SLC3A1: variants seen among roughly 807,000 people sequenced by gnomAD.
SLC3A1 encodes the protein amino acid transporter heavy chain SLC3A1.
Under a neutral mutation model 60.3 loss-of-function variants are expected in SLC3A1, and 78 were observed. The observed-to-expected ratio is 1.29, with a 90% CI of 1.08 to 1.56. SLC3A1 has a LOEUF of 1.56. SLC3A1 is among the 40% of genes most tolerant of loss of function. The pLI, the probability that SLC3A1 is intolerant of heterozygous loss-of-function variation, is 0.00. For missense variants in SLC3A1, 1,172 were observed against 858.9 expected, an observed-to-expected ratio of 1.36 and a Z score of -4.56; for synonymous variants, 392 against 307.9, an observed-to-expected ratio of 1.27 and a Z score of -2.86.
chr2:44,304,382 C>G (rs1309853408), intron 7 of SLC3A1, 44 bp downstream of exon 7: 3 of 1,447,724 alleles, frequency 2.1e-6, no homozygotes, highest in African/African-American at 1.4e-5. Context: ...CTGCTGTTGC[C>G]TTTGCTGTCC....
At chr2:44,282,033 G>A (rs1273701649) in intron 3 of SLC3A1, among the ~76,000 whole-genome samples, 5 of 151,910 alleles carry the variant, frequency 3.3e-5, no homozygotes, top group East Asian at 1.9e-4. Flanking sequence ...CATCATACTC[G>A]GCTAATTTTT....
At chr2:44,315,713 A>G in intron 9 of SLC3A1, among the ~76,000 whole-genome samples, 1 of 151,224 alleles carries the variant, frequency 6.6e-6, no homozygotes, top group Admixed American at 6.6e-5. Context: ...CATACAGGAG[A>G]AAAACAGTTC....
intron 3 of SLC3A1, chr2:44,285,638 A>G: frequency 2.1e-6 from 1 of 477,596 alleles, no homozygotes; most frequent in South Asian, 1.5e-5. Flanking sequence ...TCAAGCTCCA[A>G]GATGAGCGGA....
intron 3 of SLC3A1, chr2:44,285,735 A>G (rs1481786386): frequency 1.8e-6 from 1 of 567,050 alleles, no homozygotes; most frequent in Admixed American, 2.2e-5. Flanking sequence ...AAGAAAATAC[A>G]TTAGTAATGT....
chr2:44,283,948 A>G (rs1671553965), intron 3 of SLC3A1, among the ~76,000 whole-genome samples: 1 of 152,092 alleles, frequency 6.6e-6, no homozygotes, highest in South Asian at 2.1e-4. Context: ...TGTATATTTC[A>G]CAGTGTGAAC....
chr2:44,300,265 T>C (rs1367409185), intron 5 of SLC3A1, among the ~76,000 whole-genome samples, 175 bp downstream of exon 5: 2 of 152,228 alleles, frequency 1.3e-5, no homozygotes, highest in Non-Finnish European at 2.9e-5. Flanking sequence ...ATGCACTCGA[T>C]GTTTTTTTCC....
At position 44,317,987 on chromosome 2, in the gene SLC3A1, T is replaced by C. The variant is rs79748009; in HGVS notation, c.1618-2212T>C. 3.3e-4 allele frequency: 103 copies of C among 308,906 alleles called. 1 individual carries two copies. The East Asian group carries it at 0.011, about 34-fold the overall frequency. 19.1% of individuals were successfully genotyped at this position (308,906 alleles called of 1,614,324 possible). Reference sequence around the variant, plus strand: ...TAATAGAAAGCTTGCAACCCAGCTATAGCTATAAACACAAAAAATGAAGTT... The same window carrying C: ...TAATAGAAAGCTTGCAACCCAGCTACAGCTATAAACACAAAAAATGAAGTT... On this transcript the variant is annotated intron_variant, in intron 9 of 9. Transcript: ENST00000260649.
rs753986845 is a variant in SLC3A1 at position 44,275,693 on chromosome 2, G to A, written c.158G>A (p.Gly53Asp). The A allele has an allele frequency of 6.2e-7, 1 of 1,614,168 alleles. No homozygotes were observed. The highest frequency in any genetic ancestry group is 1.3e-5 in the African/African-American group (1 of 75,060). Reference sequence around the variant, plus strand: ...AAGCACAGCACCAGGGGCATCCTTGGCTCCCAGGAGCCCGACTTCAAGGGC... The same window carrying A: ...AAGCACAGCACCAGGGGCATCCTTGACTCCCAGGAGCCCGACTTCAAGGGC... ...NLKHSTRGILGSQEPDFKGVQ... is the reference protein window; with the variant it reads ...NLKHSTRGILDSQEPDFKGVQ... The change falls in exon 1 of 10, where the codon GGC becomes GAC. Residue 53 changes from glycine (G) to aspartate (D), a missense_variant. Transcript: ENST00000260649.
chr2:44,309,559 G>A (rs888763969), intron 7 of SLC3A1, among the ~76,000 whole-genome samples: 2 of 152,092 alleles, frequency 1.3e-5, no homozygotes, highest in Non-Finnish European at 2.9e-5. Flanking sequence ...AATTCTTTTG[G>A]ATCTATACCA....
chr2:44,312,607 C>G lies in SLC3A1; in HGVS notation c.1354C>G (p.Arg452Gly), dbSNP rs201502095. 3 of 1,613,856 alleles carry G rather than the reference C, an allele frequency of 1.9e-6. No individual in the cohort carries two copies. Among genetic ancestry groups the G allele is most frequent in the Non-Finnish European group, 2.5e-6 (3 of 1,179,806 alleles). Residue 452 changes from arginine (R) to glycine (G), a missense_variant, in exon 8 of 10, where the codon CGG becomes GGG. Coordinates refer to ENST00000260649, the MANE Select transcript of SLC3A1 (RefSeq NM_000341.4). ...TCAGATTGGTGGACCAGACAGTTCA[C>G]GGCTGACTTCGCGTTTGGGGAATCA... Reference protein sequence around the residue: ...NWMIGGPDSSRLTSRLGNQYV... With the variant: ...NWMIGGPDSSGLTSRLGNQYV...
At position 44,275,498 on chromosome 2, in the gene SLC3A1, C is replaced by CTGCACTTCGGAG; in HGVS notation, c.-34_-33insCTTCGGAGTGCA. ...GCAAGCCACTCTTCCACCTCCCTTA[C>CTGCACTTCGGAG]TGCAGGAAGGCACTCCGAAGACATA... On this transcript the variant is annotated 5_prime_UTR_variant, in exon 1 of 10. Coordinates refer to ENST00000260649, the MANE Select transcript of SLC3A1 (RefSeq NM_000341.4). 6.4e-7 allele frequency: 1 copy of CTGCACTTCGGAG among 1,569,996 alleles called. No individual in the cohort carries two copies. The highest frequency in any genetic ancestry group is 1.1e-5 in the South Asian group (1 of 88,716).
At position 44,285,817 on chromosome 2, in the gene SLC3A1, C is replaced by G. The variant is rs1671599673; in HGVS notation, c.766-215C>G. 7 of 685,450 alleles carry G rather than the reference C, an allele frequency of 1.0e-5. No individual in the cohort carries two copies. In the South Asian group the frequency reaches 1.1e-4, roughly 10 times the overall value. 42.5% of individuals were successfully genotyped at this position (685,450 alleles called of 1,614,324 possible). A position where few individuals can be genotyped will look rare whatever the true frequency, so the allele number is the denominator to read the frequency against. ...CTGTTGCAGTTGTTACAAACAGCAT[C>G]TACTGTAAAAATACGTTGCAACCAT... On this transcript the variant is annotated intron_variant, in intron 3 of 9. Transcript: ENST00000260649.
rs766179607 is a variant in SLC3A1 at position 44,320,529 on chromosome 2, C to A, written c.1948C>A (p.His650Asn). ...LDKGEGLIFEHNTKNLLHRQT... is the reference protein window; with the variant it reads ...LDKGEGLIFENNTKNLLHRQT... ...CAAGGGAGAGGGACTCATCTTTGAACACAACACGAAGAATCTCCTTCATCG... is the reference window on the plus strand; with the variant it reads ...CAAGGGAGAGGGACTCATCTTTGAAAACAACACGAAGAATCTCCTTCATCG... Residue 650 changes from histidine (H) to asparagine (N), a missense_variant, in exon 10 of 10, where the codon CAC becomes AAC. His to Asn is a moderately conservative substitution (Grantham distance 68). Coordinates refer to ENST00000260649, the MANE Select transcript of SLC3A1 (RefSeq NM_000341.4). 8.1e-6 allele frequency: 13 copies of A among 1,613,960 alleles called. No individual in the cohort carries two copies. Among genetic ancestry groups the A allele is most frequent in the Non-Finnish European group, 1.0e-5 (12 of 1,179,934 alleles).
At chr2:44,305,154 G>A (rs1024851229) in intron 7 of SLC3A1, among the ~76,000 whole-genome samples, 2 of 151,928 alleles carry the variant, frequency 1.3e-5, no homozygotes, top group Non-Finnish European at 2.9e-5. Context: ...TTCAAGACTG[G>A]CAATACATTA....
intron 9 of SLC3A1, chr2:44,318,925 C>A (rs1483630305): frequency 6.6e-6 from 1 of 152,094 alleles, no homozygotes; most frequent in African/African-American, 2.4e-5. Context: ...GCAAAATCAA[C>A]AAATCTGCAA....
intron 6 of SLC3A1, among the ~76,000 whole-genome samples, chr2:44,303,397 C>T (rs947109383): frequency 6.6e-6 from 1 of 151,446 alleles, no homozygotes. Flanking sequence ...GCGCATATCA[C>T]CACACCTAAT....
chr2:44,308,983 C>T (rs1415162859), intron 7 of SLC3A1, among the ~76,000 whole-genome samples: 1 of 152,172 alleles, frequency 6.6e-6, no homozygotes, highest in Non-Finnish European at 1.5e-5. Flanking sequence ...CTGCCTGCCT[C>T]AGCCTCCCAA....
chr2:44,294,732 C>T (rs1293351851), intron 4 of SLC3A1, among the ~76,000 whole-genome samples: 1 of 152,028 alleles, frequency 6.6e-6, no homozygotes. Context: ...GAGGAGTTAG[C>T]AAAGAATTTT....
chr2:44,306,131 T>A, intron 7 of SLC3A1, among the ~76,000 whole-genome samples: 1 of 152,144 alleles, frequency 6.6e-6, no homozygotes, highest in East Asian at 1.9e-4. Context: ...AAGGTGTGCC[T>A]TATATATAGA....
Sources: gnomAD v4.1 joint callset for allele counts (sites outside exome capture counted in the v4.1 genomes callset) on GRCh38, gnomAD v4.1.1 for gene constraint, MANE v1.5 for transcripts, NCBI Gene and HGNC (gene_info 2026-07-23, HGNC 2026-07-21) for gene names.